TGFBRAP1: variants seen among roughly 807,000 people sequenced by gnomAD.
The protein encoded by TGFBRAP1 is transforming growth factor beta receptor associated protein 1.
TGFBRAP1 carries 20 observed loss-of-function variants against 83.2 expected under a neutral mutation model. The observed-to-expected ratio is 0.24, with a 90% CI of 0.17 to 0.35. TGFBRAP1 has a LOEUF of 0.35. Among genes scored for constraint, TGFBRAP1 ranks in the 10% least tolerant of loss-of-function variants. The pLI is 1.00. For synonymous variants in TGFBRAP1, 415 were observed against 459.8 expected, an observed-to-expected ratio of 0.90 and a Z score of 1.25; for missense variants, 950 against 1,099.4, an observed-to-expected ratio of 0.86 and a Z score of 1.92.
chr2:105,276,958 C>T (rs961874013), intron 7 of TGFBRAP1, among the ~76,000 whole-genome samples: 1 of 152,154 alleles, frequency 6.6e-6, no homozygotes, highest in Admixed American at 6.5e-5. Context: ...GGAAACAACA[C>T]GGTGCAGTAC....
chr2:105,304,223 G>A (rs1678408448), intron 2 of TGFBRAP1, among the ~76,000 whole-genome samples: 1 of 152,190 alleles, frequency 6.6e-6, no homozygotes, highest in Admixed American at 6.5e-5. Flanking sequence ...CAGATGAAAT[G>A]CTATGATGTC....
chr2:105,254,877 G>A, the TGFBRAP1 span, among the ~76,000 whole-genome samples: 1 of 152,152 alleles, frequency 6.6e-6, no homozygotes, highest in South Asian at 2.1e-4. Flanking sequence ...TCTCTGCCAT[G>A]TGAGGACGCA....
Position 105,308,223 on chromosome 2 carries a change from T to G in TGFBRAP1, c.79A>C (p.Ile27Leu). 6.2e-7 allele frequency: 1 copy of G among 1,614,226 alleles called. No homozygotes were observed. Among genetic ancestry groups the G allele is most frequent in the Non-Finnish European group, 8.5e-7 (1 of 1,180,050 alleles). The change falls in exon 2 of 12, where the codon ATA (isoleucine) becomes CTA (leucine). Residue 27 changes from isoleucine to leucine, a missense_variant. By Grantham distance (5) the Ile-to-Leu change is conservative (BLOSUM62 2). Transcript: ENST00000393359. ...LLMGDKERVN[I>L]ECVECCGRDL... ...CTGCCGCAGCACTCCACGCACTCTA[T>G]GTTGACGCGCTCCTTGTCGCCCATC...
At chr2:105,316,556 T>C (rs1157100869) in intron 1 of TGFBRAP1, among the ~76,000 whole-genome samples, 1 of 151,618 alleles carries the variant, frequency 6.6e-6, no homozygotes, top group Non-Finnish European at 1.5e-5. Context: ...CCTGTAATCC[T>C]GTAATCCCAG....
intron 4 of TGFBRAP1, among the ~76,000 whole-genome samples, chr2:105,294,070 C>G (rs1170887622): frequency 6.6e-6 from 1 of 152,166 alleles, no homozygotes; most frequent in Non-Finnish European, 1.5e-5. Context: ...GAAGCGCCAG[C>G]CTGACTTAGC....
At chr2:105,313,116 A>G (rs1678745980) in intron 1 of TGFBRAP1, among the ~76,000 whole-genome samples, 2 of 152,216 alleles carry the variant, frequency 1.3e-5, no homozygotes, top group African/African-American at 4.8e-5. Flanking sequence ...CTGTCTCAAA[A>G]AAAAAAGAGA....
At chr2:105,298,734 G>C (rs778335986) in intron 2 of TGFBRAP1, 29 bp from the exon 3 acceptor site, 12 of 1,530,670 alleles carry the variant, frequency 7.8e-6, no homozygotes, top group Non-Finnish European at 9.7e-6. Context: ...AGTTAGGTAG[G>C]CTTCCAAATA....
chr2:105,273,694 A>G lies in TGFBRAP1; in HGVS notation c.1666-4T>C. 1 of 1,613,956 alleles carries G rather than the reference A, an allele frequency of 6.2e-7. No homozygotes were observed. Among genetic ancestry groups the G allele is most frequent in the South Asian group, 1.1e-5 (1 of 91,018 alleles). ...TGGTGAAAACCTGAACTCCGACCTG[A>G]AAGAGGAGCGACAATACAGTGACTG... is the stretch of plus-strand genomic sequence containing the variant. On this transcript the variant is annotated splice_polypyrimidine_tract_variant and splice_region_variant and intron_variant, in intron 8 of 11. Coordinates refer to ENST00000393359, the MANE Select transcript of TGFBRAP1 (RefSeq NM_004257.6).
At chr2:105,293,087 A>G (rs1204706996) in intron 4 of TGFBRAP1, among the ~76,000 whole-genome samples, 2 of 152,092 alleles carry the variant, frequency 1.3e-5, no homozygotes, top group African/African-American at 2.4e-5. Context: ...ATCAGTGCTG[A>G]TATGGGGGAA....
At chr2:105,304,822 A>T (rs1678441629) in intron 2 of TGFBRAP1, among the ~76,000 whole-genome samples, 2 of 152,176 alleles carry the variant, frequency 1.3e-5, no homozygotes, top group Admixed American at 1.3e-4. Context: ...TAAGCGAAAG[A>T]AGCCAATCTG....
At chr2:105,306,242 A>C (rs765601535) in intron 2 of TGFBRAP1, among the ~76,000 whole-genome samples, 11 of 151,070 alleles carry the variant, frequency 7.3e-5, no homozygotes, top group Non-Finnish European at 1.6e-4. Context: ...TTGTATTTTT[A>C]GTAGAGACAG....
chr2:105,307,141 T>G (rs1292311325), intron 2 of TGFBRAP1, among the ~76,000 whole-genome samples: 1 of 152,120 alleles, frequency 6.6e-6, no homozygotes, highest in East Asian at 1.9e-4. Flanking sequence ...CAAGAAAAAC[T>G]CCAGCATCAT....
chr2:105,289,539 T>C (rs1677835281), intron 4 of TGFBRAP1, among the ~76,000 whole-genome samples: 1 of 152,210 alleles, frequency 6.6e-6, no homozygotes, highest in African/African-American at 2.4e-5. Context: ...AATACTTTTA[T>C]GCCATTTTAA....
chr2:105,272,505 ATCTAGAGGCACGGTCCATC>A (rs1412787278), intron 10 of TGFBRAP1, among the ~76,000 whole-genome samples: 1 of 152,166 alleles, frequency 6.6e-6, no homozygotes, highest in Non-Finnish European at 1.5e-5. Flanking sequence ...GGCACCGTCC[ATCTAGAGGCACGGTCCATC>A]TCTAGAGGCA....
chr2:105,252,006 C>A, the TGFBRAP1 span, among the ~76,000 whole-genome samples: 2 of 149,628 alleles, frequency 1.3e-5, no homozygotes, highest in Non-Finnish European at 3.0e-5. Context: ...ACAAACACTG[C>A]GGAAGGCCGC....
chr2:105,254,065 T>TG, the TGFBRAP1 span, among the ~76,000 whole-genome samples: 1 of 152,128 alleles, frequency 6.6e-6, no homozygotes, highest in Non-Finnish European at 1.5e-5. Context: ...AAGGTTTTTT[T>TG]TTTTTCTATT....
the TGFBRAP1 span, among the ~76,000 whole-genome samples, chr2:105,251,487 G>A: frequency 1.3e-5 from 2 of 150,852 alleles, no homozygotes; most frequent in South Asian, 2.1e-4. Flanking sequence ...GAGCGTCTCC[G>A]CCCGGCAGCC....
chr2:105,271,055 T>A (rs1202299363), intron 10 of TGFBRAP1, among the ~76,000 whole-genome samples: 1 of 152,226 alleles, frequency 6.6e-6, no homozygotes, highest in Non-Finnish European at 1.5e-5. Flanking sequence ...TCCCCTGTGC[T>A]ACCTGCAAGC....
At chr2:105,250,788 C>G in the TGFBRAP1 span, among the ~76,000 whole-genome samples, 1 of 152,136 alleles carries the variant, frequency 6.6e-6, no homozygotes, top group Non-Finnish European at 1.5e-5. Flanking sequence ...CGAGTGCCTG[C>G]GATTGCAGGC....
Sources: allele counts gnomAD v4.1 joint callset (sites outside exome capture counted in the v4.1 genomes callset), GRCh38; gene constraint gnomAD v4.1.1; transcripts MANE v1.5; gene names NCBI Gene and HGNC (gene_info 2026-07-23, HGNC 2026-07-21).